FAM184B: variants seen among roughly 807,000 people sequenced by gnomAD.
FAM184B encodes protein FAM184B.
A neutral mutation model predicts 135.9 loss-of-function variants in FAM184B; 111 were observed. That is an observed-to-expected ratio of 0.82 (90% CI 0.70 to 0.96). FAM184B has a LOEUF of 0.96. Among genes scored for constraint, FAM184B ranks in the 40% least tolerant of loss-of-function variants. FAM184B has a pLI of 0.00. For synonymous variants in FAM184B, 552 were observed against 524.8 expected (o/e 1.05, Z -0.71); for missense variants, 1,375 against 1,323.9 (o/e 1.04, Z -0.60).
intron 1 of FAM184B, among the ~76,000 whole-genome samples, chr4:17,731,904 A>T (rs1717785570): frequency 1.3e-5 from 2 of 152,070 alleles, no homozygotes. Flanking sequence ...ACCACACCAC[A>T]CCTATTCCAA....
At chr4:17,779,641 C>A (rs1441057493) in intron 1 of FAM184B, among the ~76,000 whole-genome samples, 3 of 152,234 alleles carry the variant, frequency 2.0e-5, no homozygotes, top group Non-Finnish European at 4.4e-5. Context: ...AGCATAGCAG[C>A]TGGCACATAG....
intron 11 of FAM184B, among the ~76,000 whole-genome samples, chr4:17,651,646 C>G (rs1378037040): frequency 6.6e-6 from 1 of 150,882 alleles, no homozygotes; most frequent in Non-Finnish European, 1.5e-5. Flanking sequence ...TGAAGCACTT[C>G]TCATGCATTT....
In FAM184B at chr4:17,682,726, T is replaced by A. The variant is rs988825040; in HGVS notation, c.1596+5698A>T. ...GTTGCTCAGGCTGGTCTTGAACTCC[T>A]GGCCTCAAGTGATCCACCTGCCTCC... On this transcript the variant is annotated intron_variant, in intron 7 of 17. Transcript: ENST00000265018. Among the ~76,000 whole-genome samples the A allele has an allele frequency of 2.9e-4, 44 of 152,268 alleles. 1 individual carries two copies. Among genetic ancestry groups the A allele is most frequent in the African/African-American group, 1.1e-3 (44 of 41,554 alleles).
chr4:17,672,362 T>C lies in FAM184B; in HGVS notation c.1597-7703A>G, dbSNP rs112026624. Among the ~76,000 whole-genome samples the C allele has an allele frequency of 2.4e-3, 364 of 152,324 alleles. 8 individuals are homozygous for C. The highest frequency in any genetic ancestry group is 8.5e-3 in the African/African-American group (354 of 41,578). ...CTGATTTGGATGCCCTTTATTTCTT[T>C]CTCTTATCTGATTGCTCTGGTTAGG... On this transcript the variant is annotated intron_variant, in intron 7 of 17. Coordinates refer to ENST00000265018, the MANE Select transcript of FAM184B (RefSeq NM_015688.2).
At chr4:17,643,363 G>T (rs772991913) in intron 12 of FAM184B, among the ~76,000 whole-genome samples, 4 of 152,092 alleles carry the variant, frequency 2.6e-5, no homozygotes, top group African/African-American at 4.8e-5. Context: ...TCTGTGTGGG[G>T]TATCACCTGA....
chr4:17,751,306 CAAAAAAAA>C (rs71167334), intron 1 of FAM184B, among the ~76,000 whole-genome samples: 1 of 91,812 alleles, frequency 1.1e-5, no homozygotes. Context: ...GACTCTGTCT[CAAAAAAAA>C]AAAAAAAAAA....
intron 1 of FAM184B, among the ~76,000 whole-genome samples, chr4:17,727,257 C>T (rs755511502): frequency 6.6e-6 from 1 of 152,090 alleles, no homozygotes; most frequent in Non-Finnish European, 1.5e-5. Context: ...TGTGAAACCT[C>T]CAGGCAGAAA....
chr4:17,748,314 C>T (rs1442918733), intron 1 of FAM184B, among the ~76,000 whole-genome samples: 1 of 151,772 alleles, frequency 6.6e-6, no homozygotes, highest in Non-Finnish European at 1.5e-5. Flanking sequence ...TGGCAACCCC[C>T]CACCTGCCTC....
In FAM184B at chr4:17,781,222, C is replaced by T. The variant is rs1241462677; in HGVS notation, c.78G>A (p.Trp26Ter). ...QGSKADGGAGWRMDCDPQMHV... is the reference protein window; with the variant it reads ...QGSKADGGAG ...GCATCTGGGGATCACAGTCCATTCT[C>T]CAGCCGGCGCCACCGTCGGCTTTGG... Residue 26 changes from tryptophan to a stop codon, truncating the protein, a stop_gained, in exon 1 of 18, where the codon TGG (tryptophan) becomes TGA (stop). Transcript: ENST00000265018. LOFTEE classifies it high-confidence loss of function. This position sits in a 1 kb window ranked among gnomAD's most constrained non-coding sequence, Gnocchi z 6.5. 1.3e-6 allele frequency: 2 copies of T among 1,551,002 alleles called. No homozygotes were observed. The highest frequency in any genetic ancestry group is 1.7e-6 in the Non-Finnish European group (2 of 1,146,686).
At chr4:17,687,629 T>C (rs1042370776) in intron 7 of FAM184B, among the ~76,000 whole-genome samples, 2 of 152,096 alleles carry the variant, frequency 1.3e-5, no homozygotes, top group Non-Finnish European at 2.9e-5. Flanking sequence ...GGTGTCTTTA[T>C]AAGAAGGCTG....
intron 7 of FAM184B, among the ~76,000 whole-genome samples, chr4:17,671,221 C>A (rs1014046988): frequency 6.6e-6 from 1 of 151,954 alleles, no homozygotes; most frequent in Admixed American, 6.6e-5. Context: ...ATGAAGAGAC[C>A]CCCTACACCA....
rs1478798945 is a variant in FAM184B at position 17,631,192 on chromosome 4, A to G, written c.*1340T>C. The stretch of plus-strand genomic sequence containing the variant: ...TGAGGCAAATGGCTCAAACCCAAAG[A>G]CCAGAGGTTCAGGGGATATATATAT... On this transcript the variant is annotated 3_prime_UTR_variant, in exon 18 of 18. Transcript: ENST00000265018. The G allele has an allele frequency of 2.0e-5, 3 of 152,004 alleles. No individual in the cohort carries two copies. The highest frequency in any genetic ancestry group is 1.3e-4 in the Admixed American group (2 of 15,254). The allele number at this position is 152,004 out of a possible 1,614,324, so 9.4% of individuals were successfully genotyped here. A position where few individuals can be genotyped will look rare whatever the true frequency, so the allele number is the denominator to read the frequency against.
At chr4:17,675,614 T>A (rs150295210) in intron 7 of FAM184B, among the ~76,000 whole-genome samples, 2,469 of 152,344 alleles carry the variant, frequency 0.016, 76 homozygotes, top group African/African-American at 0.056. Context: ...AAGTCCTAGA[T>A]GGCATCTTCT....
chr4:17,666,995 G>A (rs947606905), intron 7 of FAM184B, among the ~76,000 whole-genome samples: 3 of 151,054 alleles, frequency 2.0e-5, no homozygotes, highest in East Asian at 1.9e-4. Flanking sequence ...ATTTCACTCC[G>A]TCACCCAGGG....
Position 17,697,639 on chromosome 4 carries a change from T to G in FAM184B, c.1378-4227A>C, listed in dbSNP as rs1716896200. Among the ~76,000 whole-genome samples the G allele has an allele frequency of 3.9e-5, 6 of 152,242 alleles. No homozygotes were observed. In the South Asian group the frequency reaches 1.2e-3, roughly 32 times the overall value. Reference sequence around the variant, plus strand: ...TAATTAGCTTCTCATCCATAGAAGCTTTTATTGAACAGAAGTTTTGTTTAA... The same window carrying G: ...TAATTAGCTTCTCATCCATAGAAGCGTTTATTGAACAGAAGTTTTGTTTAA... On this transcript the variant is annotated intron_variant, in intron 5 of 17. Transcript: ENST00000265018.
rs1300654384 is a variant in FAM184B, at chr4:17,642,068, C to T, written c.2507G>A (p.Arg836Gln). 6 of 1,530,894 alleles carry T rather than the reference C, an allele frequency of 3.9e-6. No individual in the cohort carries two copies. Among genetic ancestry groups the T allele is most frequent in the African/African-American group, 1.4e-5 (1 of 72,028 alleles). 94.8% of individuals were successfully genotyped at this position (1,530,894 alleles called of 1,614,324 possible). A position where few individuals can be genotyped will look rare whatever the true frequency, so the allele number is the denominator to read the frequency against. The change falls in exon 13 of 18, where the codon CGA becomes CAA. Residue 836 changes from arginine to glutamine, a missense_variant. Transcript: ENST00000265018. ...CCGGGTCACCCACCTGCGCTGGTCT[C>T]GGAGCTTCTGCGCCTCCTGCTGATG... is the stretch of plus-strand genomic sequence containing the variant. ...EQHQQEAQKLRDQRRFLEETQ... is the reference protein window; with the variant it reads ...EQHQQEAQKLQDQRRFLEETQ...
chr4:17,714,018 C>T (rs1335621490), intron 1 of FAM184B, among the ~76,000 whole-genome samples: 1 of 152,172 alleles, frequency 6.6e-6, no homozygotes, highest in African/African-American at 2.4e-5. Flanking sequence ...GGCCTTGCCT[C>T]CTCATCCTTG....
chr4:17,642,613 G>A (rs1401869342), intron 12 of FAM184B, among the ~76,000 whole-genome samples: 1 of 152,052 alleles, frequency 6.6e-6, no homozygotes, highest in African/African-American at 2.4e-5. Flanking sequence ...CTACCTCTCA[G>A]GGGGAACTGA....
At chr4:17,646,254 A>G (rs1476399074) in intron 12 of FAM184B, among the ~76,000 whole-genome samples, 1 of 151,900 alleles carries the variant, frequency 6.6e-6, no homozygotes, top group African/African-American at 2.4e-5. Flanking sequence ...ATTATAAATC[A>G]TGCTGCTATA....
Sources: gnomAD v4.1 joint callset for allele counts (sites outside exome capture counted in the v4.1 genomes callset) on GRCh38, gnomAD v4.1.1 for gene constraint, Gnocchi (gnomAD v3.1) non-coding constraint, MANE v1.5 for transcripts, NCBI Gene and HGNC (gene_info 2026-07-23, HGNC 2026-07-21) for gene names.